GRIK2: variants seen among roughly 807,000 people sequenced by gnomAD.
GRIK2 encodes glutamate ionotropic receptor kainate type subunit 2, also known as glutamate receptor ionotropic, kainate 2.
A neutral mutation model predicts 100.3 loss-of-function variants in GRIK2; 32 were observed. The ratio of observed to expected loss-of-function variants is 0.32; its 90% confidence interval spans 0.24 to 0.43. The LOEUF is 0.43. Among genes scored for constraint, GRIK2 ranks in the 20% least tolerant of loss-of-function variants. The probability of loss-of-function intolerance (pLI) is 1.00; values close to 1 mark genes in which losing one functional copy is unlikely to be tolerated. For missense variants in GRIK2, 843 were observed against 1,114.9 expected (o/e 0.76, Z 3.47); for synonymous variants, 417 against 389.4 (o/e 1.07, Z -0.83).
chr6:101,914,595 G>A (rs926853807), intron 12 of GRIK2, among the ~76,000 whole-genome samples: 2 of 151,352 alleles, frequency 1.3e-5, no homozygotes, highest in Non-Finnish European at 3.0e-5. Context: ...AGTGTGAGTC[G>A]TATTACTGAT....
At chr6:101,481,623 T>C (rs1202834110) in intron 2 of GRIK2, among the ~76,000 whole-genome samples, 1 of 152,234 alleles carries the variant, frequency 6.6e-6, no homozygotes, top group Non-Finnish European at 1.5e-5. Context: ...GGGTATTAAA[T>C]ACTTAATACT....
intron 4 of GRIK2, among the ~76,000 whole-genome samples, chr6:101,640,135 A>G (rs1370894385): frequency 6.6e-6 from 1 of 152,218 alleles, no homozygotes; most frequent in Non-Finnish European, 1.5e-5. Context: ...AATTTAATTC[A>G]TAACACAGAA....
At chr6:101,554,938 C>G (rs1024716328) in intron 2 of GRIK2, among the ~76,000 whole-genome samples, 1 of 152,046 alleles carries the variant, frequency 6.6e-6, no homozygotes, top group Non-Finnish European at 1.5e-5. Flanking sequence ...TGTGGTATAA[C>G]TCAGTGATCT....
chr6:101,509,845 A>G (rs569008378), intron 2 of GRIK2, among the ~76,000 whole-genome samples: 1 of 152,332 alleles, frequency 6.6e-6, no homozygotes, highest in South Asian at 2.1e-4. Flanking sequence ...AGTTGACTGT[A>G]GAAATGTCAC....
intron 4 of GRIK2, among the ~76,000 whole-genome samples, chr6:101,673,379 G>C (rs544016344): frequency 5.3e-5 from 8 of 152,148 alleles, no homozygotes; most frequent in African/African-American, 1.9e-4. Flanking sequence ...TCTTCTCATC[G>C]GTCCTCCATA....
chr6:101,962,358 T>C (rs1792360210), intron 14 of GRIK2, among the ~76,000 whole-genome samples: 1 of 152,078 alleles, frequency 6.6e-6, no homozygotes, highest in South Asian at 2.1e-4. Context: ...TCAACTCTGT[T>C]ATTAATTTGT....
intron 4 of GRIK2, among the ~76,000 whole-genome samples, chr6:101,627,166 T>C (rs911895438): frequency 6.6e-6 from 1 of 150,764 alleles, no homozygotes; most frequent in Non-Finnish European, 1.5e-5. Context: ...GACAGATAGA[T>C]AGAGTCACTC....
chr6:102,025,588 C>T (rs1176516415), intron 14 of GRIK2, among the ~76,000 whole-genome samples: 3 of 151,140 alleles, frequency 2.0e-5, no homozygotes, highest in Admixed American at 6.6e-5. Flanking sequence ...ACAGCATAGT[C>T]AAAGACCCTC....
chr6:101,745,856 T>C lies in GRIK2; in HGVS notation c.952-53792T>C, dbSNP rs552616910. 2.0e-5 allele frequency among the ~76,000 whole-genome samples: 3 copies of C among 152,324 alleles called. No individual in the cohort carries two copies. In the South Asian group the frequency reaches 6.2e-4, roughly 32 times the overall value. ...ATTGAGCTATTTCACCATATGAGAATCTTAGGTCTTTCTGTTTTCTGAAAG... is the reference window on the plus strand; with the variant it reads ...ATTGAGCTATTTCACCATATGAGAACCTTAGGTCTTTCTGTTTTCTGAAAG... On this transcript the variant is annotated intron_variant, in intron 7 of 16. Coordinates refer to ENST00000369134, the MANE Select transcript of GRIK2 (RefSeq NM_021956.5).
intron 14 of GRIK2, among the ~76,000 whole-genome samples, chr6:101,982,504 C>T (rs945287235): frequency 6.6e-6 from 1 of 151,540 alleles, no homozygotes; most frequent in Non-Finnish European, 1.5e-5. Flanking sequence ...TTGTGTGAAT[C>T]GTGGGTGTAA....
intron 14 of GRIK2, among the ~76,000 whole-genome samples, chr6:102,004,817 T>G (rs1277178920): frequency 6.6e-6 from 1 of 151,940 alleles, no homozygotes; most frequent in Non-Finnish European, 1.5e-5. Flanking sequence ...TCACATTATA[T>G]TGTTATAGTT....
chr6:101,745,234 G>A (rs903468533), intron 7 of GRIK2: 3 of 152,062 alleles, frequency 2.0e-5, no homozygotes, highest in African/African-American at 2.4e-5. Flanking sequence ...TATTGGTAGC[G>A]AAATATAAAC....
intron 10 of GRIK2, among the ~76,000 whole-genome samples, chr6:101,845,518 T>C (rs752778326): frequency 6.6e-6 from 1 of 152,220 alleles, no homozygotes; most frequent in Non-Finnish European, 1.5e-5. Flanking sequence ...TTAAATGATA[T>C]TCCATTTTAT....
chr6:102,039,082 T>C (rs1030232234), intron 15 of GRIK2, among the ~76,000 whole-genome samples: 1 of 151,430 alleles, frequency 6.6e-6, no homozygotes, highest in Non-Finnish European at 1.5e-5. Context: ...ATTATCTTCT[T>C]AGCCTGCCAT....
intron 2 of GRIK2, among the ~76,000 whole-genome samples, chr6:101,403,766 C>CT (rs563595590): frequency 1.5e-4 from 23 of 152,278 alleles, no homozygotes; most frequent in African/African-American, 5.5e-4. Flanking sequence ...AGCAGGAAAA[C>CT]TGACTCTTGG....
chr6:101,779,875 C>A (rs573096137), intron 7 of GRIK2, among the ~76,000 whole-genome samples: 164 of 151,302 alleles, frequency 1.1e-3, no homozygotes, highest in African/African-American at 3.3e-3. Flanking sequence ...AAATCTCTCT[C>A]TCTATATATA....
In GRIK2 at chr6:101,676,759, A is replaced by G. The variant is rs1189561423; in HGVS notation, c.678A>G (p.Val226=). 1.9e-6 allele frequency: 3 copies of G among 1,608,406 alleles called. No individual in the cohort carries two copies. The highest frequency in any genetic ancestry group is 2.5e-6 in the Non-Finnish European group (3 of 1,177,038). The part of the protein sequence containing the change: ...KEMKRGKEFH[V]IFDCSHEMAA... ...TGAAAAGAGGCAAGGAGTTTCATGT[A>G]ATCTTTGATTGTAGCCATGAAATGG... Residue 226 remains valine (V), a synonymous_variant, in exon 5 of 17, where the codon GTA becomes GTG. Transcript: ENST00000369134.
At position 101,508,020 on chromosome 6, in the gene GRIK2, A is replaced by G. The variant is rs577659833; in HGVS notation, c.115+108628A>G. The stretch of plus-strand genomic sequence containing the variant: ...TATATGCTTTAAAAGAAAGTAATGA[A>G]GTAGGAAATTTAGACAATTAGATGG... On this transcript the variant is annotated intron_variant, in intron 2 of 16. Transcript: ENST00000369134. Among the ~76,000 whole-genome samples, 7 of 152,264 alleles carry G rather than the reference A, an allele frequency of 4.6e-5. No individual in the cohort carries two copies. The South Asian group carries it at 1.2e-3, about 27-fold the overall frequency.
chr6:101,497,515 T>A (rs371530538), intron 2 of GRIK2, among the ~76,000 whole-genome samples: 1 of 152,146 alleles, frequency 6.6e-6, no homozygotes, highest in Non-Finnish European at 1.5e-5. Flanking sequence ...GCAGTTTTGA[T>A]TGTCACATTT....
Sources: gnomAD v4.1 joint callset for allele counts (sites outside exome capture counted in the v4.1 genomes callset) on GRCh38, gnomAD v4.1.1 for gene constraint, MANE v1.5 for transcripts, NCBI Gene and HGNC (gene_info 2026-07-23, HGNC 2026-07-21) for gene names.